PPP1R17: variants seen among roughly 807,000 people sequenced by gnomAD.
PPP1R17 encodes the protein G-substrate.
Under a neutral mutation model 15.9 loss-of-function variants are expected in PPP1R17, and 12 were observed. The ratio of observed to expected loss-of-function variants is 0.75; its 90% CI spans 0.48 to 1.22. The LOEUF (loss-of-function observed/expected upper bound fraction) is 1.22, where lower values mean the gene tolerates loss of function less well. PPP1R17 is among the 50% of genes most tolerant of loss of function. The pLI is 0.00. For synonymous variants in PPP1R17, 63 were observed against 64.5 expected, an observed-to-expected ratio of 0.98 and a Z score of 0.11; for missense variants, 211 against 187.3, an observed-to-expected ratio of 1.13 and a Z score of -0.74.
chr7:31,701,793 A>G (rs935507446), intron 4 of PPP1R17, among the ~76,000 whole-genome samples: 1 of 152,240 alleles, frequency 6.6e-6, no homozygotes, highest in South Asian at 2.1e-4. Flanking sequence ...TCAGATAATC[A>G]TTAGCAATTT....
In PPP1R17 at chr7:31,701,754, G is replaced by A. The variant is rs1475124688; in HGVS notation, c.388+4637G>A. ...ATCAGTCAGCAGCCGTCAACATTGA[G>A]GCAAGCCTCTCTAAGACTCAGTGAA... On this transcript the variant is annotated intron_variant, in intron 4 of 4. Coordinates refer to ENST00000342032, the MANE Select transcript of PPP1R17 (RefSeq NM_006658.5). 2.0e-5 allele frequency among the ~76,000 whole-genome samples: 3 copies of A among 152,212 alleles called. No homozygotes were observed. In the East Asian group the frequency reaches 5.8e-4, roughly 29 times the overall value.
In PPP1R17 at chr7:31,697,258, C is replaced by T. The variant is rs1792628040; in HGVS notation, c.388+141C>T. The T allele has an allele frequency of 4.9e-6, 5 of 1,019,942 alleles. 1 individual carries two copies. Among genetic ancestry groups the T allele is most frequent in the South Asian group, 3.5e-5 (2 of 56,560 alleles). The allele number at this position is 1,019,942 out of a possible 1,614,324, so 63.2% of individuals were successfully genotyped here. A position where few individuals can be genotyped will look rare whatever the true frequency, so the allele number is the denominator to read the frequency against. ...TGAAGTGCTCTGGGGAGAAGCCACA[C>T]TCAGTGCTACCTTTTAGGTTTATCT... On this transcript the variant is annotated intron_variant, in intron 4 of 4. Transcript: ENST00000342032.
At chr7:31,698,493 T>G (rs551202626) in intron 4 of PPP1R17, among the ~76,000 whole-genome samples, 2 of 152,308 alleles carry the variant, frequency 1.3e-5, no homozygotes, top group Admixed American at 6.5e-5. Flanking sequence ...CACACACACA[T>G]TTCTACATAC....
At chr7:31,696,929 G>T in intron 3 of PPP1R17, 36 bp from the exon 4 acceptor site, 1 of 1,604,760 alleles carries the variant, frequency 6.2e-7, no homozygotes, top group South Asian at 1.1e-5. Flanking sequence ...ATATGTATTT[G>T]ATCCTGTTTC....
At position 31,697,023 on chromosome 7, in the gene PPP1R17, C is replaced by A; in HGVS notation, c.294C>A (p.Gly98=). 3 of 1,614,052 alleles carry A rather than the reference C, an allele frequency of 1.9e-6. No individual in the cohort carries two copies. Among genetic ancestry groups the A allele is most frequent in the Non-Finnish European group, 1.7e-6 (2 of 1,179,960 alleles). The change falls in exon 4 of 5, where the codon GGC becomes GGA. Residue 98 remains glycine, a synonymous_variant. Transcript: ENST00000342032. ...ATGTTCAAGAGAGACATCCAAAGGG[C>A]AAAATGATCCCTGTTCTTCATAACA... ...RYDVQERHPK[G]KMIPVLHNTD... is the part of the protein sequence containing the mutation.
At chr7:31,691,399 T>G (rs1792335364) in intron 1 of PPP1R17, among the ~76,000 whole-genome samples, 1 of 152,252 alleles carries the variant, frequency 6.6e-6, no homozygotes, top group Admixed American at 6.5e-5. Context: ...GATTTTAATC[T>G]TATTTATTCC....
intron 2 of PPP1R17, 25 bp downstream of exon 2, chr7:31,692,548 G>A: frequency 6.4e-7 from 1 of 1,564,410 alleles, no homozygotes; most frequent in Non-Finnish European, 8.8e-7. Flanking sequence ...GATTGTGAAT[G>A]TCAGTGGTGG....
rs1434816739 is a variant in PPP1R17 at position 31,707,902 on chromosome 7, G to C, written c.*619G>C. The C allele has an allele frequency of 1.3e-5, 2 of 152,244 alleles. No individual in the cohort carries two copies. The highest frequency in any genetic ancestry group is 2.9e-5 in the Non-Finnish European group (2 of 68,082). The allele number at this position is 152,244 out of a possible 1,614,324, so 9.4% of individuals were successfully genotyped here. A position where few individuals can be genotyped will look rare whatever the true frequency, so the allele number is the denominator to read the frequency against. Reference sequence around the variant, plus strand: ...CACCATGCCTTGGCTGATGATACCAGAGGCAGAGAGTGCTGGTCTGTCTGG... The same window carrying C: ...CACCATGCCTTGGCTGATGATACCACAGGCAGAGAGTGCTGGTCTGTCTGG... On this transcript the variant is annotated 3_prime_UTR_variant, in exon 5 of 5. Transcript: ENST00000342032.
At chr7:31,702,772 C>T (rs1792907426) in intron 4 of PPP1R17, among the ~76,000 whole-genome samples, 1 of 152,210 alleles carries the variant, frequency 6.6e-6, no homozygotes, top group Non-Finnish European at 1.5e-5. Context: ...ATCATTTCTA[C>T]ATAGCAATAC....
At chr7:31,698,604 G>A (rs946191689) in intron 4 of PPP1R17, among the ~76,000 whole-genome samples, 8 of 152,196 alleles carry the variant, frequency 5.3e-5, no homozygotes, top group Non-Finnish European at 1.0e-4. Flanking sequence ...TCTTCAAACT[G>A]TCTTCATTCT....
At chr7:31,695,947 C>T (rs1792562520) in intron 3 of PPP1R17, 1 of 176,140 alleles carries the variant, frequency 5.7e-6, no homozygotes, top group Admixed American at 6.2e-5. Flanking sequence ...TGAGCAAAGT[C>T]ACCACAAGCT....
chr7:31,695,829 ATT>A, intron 3 of PPP1R17: 1 of 394,990 alleles, frequency 2.5e-6, no homozygotes. Flanking sequence ...ATAAAAGTTT[ATT>A]TTTTTTACCT....
At chr7:31,697,744 G>A (rs564888084) in intron 4 of PPP1R17, among the ~76,000 whole-genome samples, 77 of 152,218 alleles carry the variant, frequency 5.1e-4, no homozygotes, top group African/African-American at 1.7e-3. Flanking sequence ...GGGAAGTGAC[G>A]GAGGGGAAAA....
chr7:31,695,703 A>C, intron 3 of PPP1R17, 82 bp downstream of exon 3: 1 of 1,402,724 alleles, frequency 7.1e-7, no homozygotes, highest in Non-Finnish European at 9.7e-7. Context: ...TTTTTCCTTA[A>C]ATATTCAGGT....
chr7:31,694,387 A>AACACACAC (rs533091870), intron 2 of PPP1R17, among the ~76,000 whole-genome samples: 3,812 of 141,656 alleles, frequency 0.027, 121 homozygotes, highest in African/African-American at 0.072. Flanking sequence ...CTCTCTCTCA[A>AACACACAC]ACACACACAC....
chr7:31,691,552 A>G (rs1057501430), intron 1 of PPP1R17, among the ~76,000 whole-genome samples: 1 of 152,090 alleles, frequency 6.6e-6, no homozygotes, highest in African/African-American at 2.4e-5. Context: ...ACACATATCC[A>G]TTCTGGAATT....
At chr7:31,692,642 T>A in intron 2 of PPP1R17, 119 bp downstream of exon 2, 1 of 884,694 alleles carries the variant, frequency 1.1e-6, no homozygotes, top group Non-Finnish European at 1.8e-6. Context: ...AGTCTGTGCC[T>A]TCTGGTGACA....
intron 4 of PPP1R17, among the ~76,000 whole-genome samples, chr7:31,699,205 T>C (rs1199455498): frequency 1.3e-5 from 2 of 152,164 alleles, no homozygotes; most frequent in East Asian, 1.9e-4. Context: ...ATTACTTCCC[T>C]GGGCAGGATC....
rs1793140740 is a variant in PPP1R17, at chr7:31,707,952, T to A, written c.*669T>A. 6.6e-6 allele frequency: 1 copy of A among 152,212 alleles called. No homozygotes were observed. Among genetic ancestry groups the A allele is most frequent in the African/African-American group, 2.4e-5 (1 of 41,450 alleles). The allele number at this position is 152,212 out of a possible 1,614,324, so 9.4% of individuals were successfully genotyped here. On this transcript the variant is annotated 3_prime_UTR_variant, in exon 5 of 5. Coordinates refer to ENST00000342032, the MANE Select transcript of PPP1R17 (RefSeq NM_006658.5). Reference sequence around the variant, plus strand: ...GGAAGCTTAGCAATGTATCTTCAAATTTATTTTTGTTTTTAAAAATATTTC... The same window carrying A: ...GGAAGCTTAGCAATGTATCTTCAAAATTATTTTTGTTTTTAAAAATATTTC...
Sources: allele counts gnomAD v4.1 joint callset (sites outside exome capture counted in the v4.1 genomes callset), GRCh38; gene constraint gnomAD v4.1.1; transcripts MANE v1.5; gene names NCBI Gene and HGNC (gene_info 2026-07-23, HGNC 2026-07-21).